Variants in CASP6 observed in about 807,000 individuals in gnomAD.
CASP6 encodes caspase 6.
Under a neutral mutation model 31.8 loss-of-function variants are expected in CASP6, and 20 were observed. That is an observed-to-expected ratio of 0.63 (90% CI 0.44 to 0.91). The LOEUF (loss-of-function observed/expected upper bound fraction) is 0.91, where lower values mean the gene tolerates loss of function less well. Ranked by LOEUF, CASP6 falls within the 40% of genes least tolerant of loss-of-function variation. CASP6 has a pLI of 0.00. For synonymous variants in CASP6, 130 were observed against 127.8 expected, an observed-to-expected ratio of 1.02 and a Z score of -0.12; for missense variants, 328 against 361.1, an observed-to-expected ratio of 0.91 and a Z score of 0.74.
intron 2 of CASP6, 55 bp downstream of exon 2, chr4:109,698,245 G>T: frequency 6.5e-7 from 1 of 1,545,228 alleles, no homozygotes; most frequent in East Asian, 2.3e-5. Context: ...ATTTCTGTAG[G>T]CTGATCATGA....
At chr4:109,706,151 A>G, upstream of CASP6, among the ~76,000 whole-genome samples, 1 of 89,842 alleles carries the variant, frequency 1.1e-5, no homozygotes, top group Non-Finnish European at 2.0e-5. Context: ...ATATATATAT[A>G]TATATATATA....
upstream of CASP6, chr4:109,703,561 T>C (rs866295720): frequency 4.7e-6 from 4 of 845,970 alleles, no homozygotes; most frequent in Non-Finnish European, 7.2e-6. Context: ...TGGATCGGGC[T>C]GGTCCTTCCC....
intron 1 of CASP6, among the ~76,000 whole-genome samples, chr4:109,701,107 G>A (rs930408037): frequency 6.6e-6 from 1 of 151,730 alleles, no homozygotes; most frequent in Non-Finnish European, 1.5e-5. Flanking sequence ...ACAGGCATGC[G>A]CCACCACACC....
At chr4:109,690,002 T>C (rs1176699116) in intron 6 of CASP6, among the ~76,000 whole-genome samples, 2 of 151,350 alleles carry the variant, frequency 1.3e-5, no homozygotes, top group Non-Finnish European at 1.5e-5. Flanking sequence ...CTGGCCAACA[T>C]GGTGAAACCC....
upstream of CASP6, among the ~76,000 whole-genome samples, chr4:109,707,826 A>C (rs539865861): frequency 1.3e-5 from 2 of 152,098 alleles, no homozygotes; most frequent in Admixed American, 6.5e-5. Context: ...AATAGCAGCC[A>C]AACAGTGTGC....
downstream of CASP6, among the ~76,000 whole-genome samples, chr4:109,686,284 G>A (rs1022237352): frequency 2.0e-5 from 3 of 151,938 alleles, no homozygotes; most frequent in South Asian, 2.1e-4. Context: ...GATTATAGGC[G>A]CCCGCCACCA....
At chr4:109,681,241 A>C in the CASP6 span, among the ~76,000 whole-genome samples, 1 of 152,164 alleles carries the variant, frequency 6.6e-6, no homozygotes, top group African/African-American at 2.4e-5. Flanking sequence ...AGAATAATAC[A>C]TTTTTAGAGT....
intron 5 of CASP6, among the ~76,000 whole-genome samples, chr4:109,691,776 C>T (rs915490506): frequency 1.3e-5 from 2 of 152,090 alleles, no homozygotes; most frequent in African/African-American, 4.8e-5. Flanking sequence ...ACGGGTGAAA[C>T]CAAATCCAAC....
chr4:109,687,427 C>T (rs996361736), downstream of CASP6: 32 of 869,098 alleles, frequency 3.7e-5, no homozygotes, highest in South Asian at 2.5e-4. Flanking sequence ...TGTAAGGAGA[C>T]GCTAAGTTTA....
At chr4:109,698,445 T>G (rs1730319279) in intron 1 of CASP6, 103 bp from the exon 2 acceptor site, 1 of 952,606 alleles carries the variant, frequency 1.0e-6, no homozygotes, top group Admixed American at 2.8e-5. Context: ...TTAAGACCCT[T>G]CTGTTTTGGT....
the CASP6 span, among the ~76,000 whole-genome samples, chr4:109,708,772 C>T: frequency 1.3e-5 from 2 of 152,152 alleles, no homozygotes; most frequent in African/African-American, 4.8e-5. Context: ...ATTTTGTCTA[C>T]CTTTTTTTCC....
chr4:109,680,956 C>A, the CASP6 span, among the ~76,000 whole-genome samples: 1 of 152,138 alleles, frequency 6.6e-6, no homozygotes, highest in South Asian at 2.1e-4. Flanking sequence ...GACTTATAAA[C>A]CCATGGAGGA....
Position 109,689,510 on chromosome 4 carries a change from C to T in CASP6, c.702G>A (p.Glu234=), listed in dbSNP as rs777040313. 1.2e-6 allele frequency: 2 copies of T among 1,614,198 alleles called. No homozygotes were observed. Among genetic ancestry groups the T allele is most frequent in the East Asian group, 2.2e-5 (1 of 44,884 alleles). The change falls in exon 7 of 7, where the codon GAG becomes GAA. Residue 234 remains glutamate (E), a synonymous_variant. Transcript: ENST00000265164. The part of the protein sequence containing the change: ...NGSWYIQDLC[E]MLGKYGSSLE... ...AGGAGGAGCCATATTTTCCCAACAT[C>T]TCACACAAATCTTGAATGTACCATG...
At chr4:109,684,179 C>T (rs1729780272), downstream of CASP6, among the ~76,000 whole-genome samples, 1 of 151,698 alleles carries the variant, frequency 6.6e-6, no homozygotes, top group Admixed American at 6.6e-5. Context: ...TCTTCTGCCT[C>T]AGCCTCCTGA....
chr4:109,690,180 TAA>T (rs766890373), intron 6 of CASP6, among the ~76,000 whole-genome samples: 21 of 119,752 alleles, frequency 1.8e-4, no homozygotes, highest in Admixed American at 5.3e-4. Flanking sequence ...GTGAGACTAT[TAA>T]AAAAAAAAAA....
chr4:109,694,545 GT>G lies in CASP6; in HGVS notation c.462del (p.Lys154AsnfsTer24). ...KGDKCHSLVG[K>X]PKIFIIQACR... ...CTTACCTGAATGATAAATATCTTGG[GT>G]TTTCCAACCAGGCTGTGACACTTGT... On this transcript the variant is annotated frameshift_variant, in exon 5 of 7. Coordinates refer to ENST00000265164, the MANE Select transcript of CASP6 (RefSeq NM_001226.4). LOFTEE classifies it high-confidence loss of function. 1.2e-6 allele frequency: 2 copies of G among 1,602,650 alleles called. No individual in the cohort carries two copies. The highest frequency in any genetic ancestry group is 2.3e-5 in the East Asian group (1 of 44,434).
chr4:109,693,892 C>T (rs970709045), intron 5 of CASP6, among the ~76,000 whole-genome samples: 1 of 152,000 alleles, frequency 6.6e-6, no homozygotes, highest in South Asian at 2.1e-4. Context: ...GCACCTGCCA[C>T]CATGCCCAGC....
At chr4:109,703,886 G>C (rs1321850693), upstream of CASP6, among the ~76,000 whole-genome samples, 1 of 152,098 alleles carries the variant, frequency 6.6e-6, no homozygotes, top group Non-Finnish European at 1.5e-5. Flanking sequence ...TTTCAACATT[G>C]GCTCGCTTTG....
the CASP6 span, among the ~76,000 whole-genome samples, chr4:109,682,190 C>T: frequency 6.6e-6 from 1 of 152,204 alleles, no homozygotes; most frequent in Admixed American, 6.5e-5. Context: ...TTCTGTCTCT[C>T]ACGAGGTCTT....
Sources: gnomAD v4.1 joint callset for allele counts (sites outside exome capture counted in the v4.1 genomes callset) on GRCh38, gnomAD v4.1.1 for gene constraint, MANE v1.5 for transcripts, NCBI Gene and HGNC (gene_info 2026-07-23, HGNC 2026-07-21) for gene names.